PACRG: variants seen among roughly 807,000 people sequenced by gnomAD.
PACRG encodes the protein parkin coregulated gene protein.
Under a neutral mutation model 29.7 loss-of-function variants are expected in PACRG, and 29 were observed. The ratio of observed to expected loss-of-function variants is 0.98; its 90% CI spans 0.73 to 1.33. The LOEUF is 1.33. Ranked by LOEUF, PACRG falls within the 40% of genes most tolerant of loss-of-function variation. The pLI, the probability that PACRG is intolerant of heterozygous loss-of-function variation, is 0.00. For missense variants in PACRG, 279 were observed against 316.2 expected (o/e 0.88, Z 0.89); for synonymous variants, 116 against 118.7 (o/e 0.98, Z 0.15).
At chr6:163,292,005 T>A (rs1447090451) in intron 4 of PACRG, among the ~76,000 whole-genome samples, 1 of 152,134 alleles carries the variant, frequency 6.6e-6, no homozygotes, top group Non-Finnish European at 1.5e-5. Flanking sequence ...CTGAAGGTTT[T>A]CCCCAGTGGA....
intron 2 of PACRG, among the ~76,000 whole-genome samples, chr6:162,933,905 CAA>C (rs1258243058): frequency 6.6e-6 from 1 of 152,016 alleles, no homozygotes; most frequent in Non-Finnish European, 1.5e-5. Context: ...AGAGGGGAAA[CAA>C]GAGAGAGGGA....
intron 2 of PACRG, among the ~76,000 whole-genome samples, chr6:163,020,771 T>C (rs1194816930): frequency 6.6e-6 from 1 of 152,190 alleles, no homozygotes; most frequent in African/African-American, 2.4e-5. Context: ...CTTTGCAGTC[T>C]GAGCTTAGTG....
intron 4 of PACRG, among the ~76,000 whole-genome samples, chr6:163,233,125 G>A (rs1239525079): frequency 6.6e-6 from 1 of 152,248 alleles, no homozygotes; most frequent in Non-Finnish European, 1.5e-5. Flanking sequence ...TGTCCCCCAA[G>A]AAGTATTCTT....
intron 4 of PACRG, among the ~76,000 whole-genome samples, chr6:163,275,982 A>G (rs1477994779): frequency 7.2e-6 from 1 of 139,012 alleles, no homozygotes; most frequent in Non-Finnish European, 1.5e-5. Flanking sequence ...TTTTTTTATT[A>G]TTCTCTTTCC....
At chr6:163,139,212 C>T (rs986425468) in intron 4 of PACRG, among the ~76,000 whole-genome samples, 10 of 152,246 alleles carry the variant, frequency 6.6e-5, no homozygotes, top group African/African-American at 1.2e-4. Flanking sequence ...CCACACCACG[C>T]AAGTCCCTGC....
chr6:163,139,308 T>G (rs1192385932), intron 4 of PACRG, among the ~76,000 whole-genome samples: 1 of 152,134 alleles, frequency 6.6e-6, no homozygotes, highest in Non-Finnish European at 1.5e-5. Flanking sequence ...TGTGATTGAA[T>G]GTAAGGCCCA....
intron 1 of PACRG, among the ~76,000 whole-genome samples, chr6:162,751,849 C>T (rs6903832): frequency 0.22 from 33,193 of 152,022 alleles, 4,340 homozygotes; most frequent in African/African-American, 0.33. Context: ...CATTTTCACA[C>T]TCCAACCCCA....
intron 4 of PACRG, among the ~76,000 whole-genome samples, chr6:163,288,817 T>A (rs1331788292): frequency 6.6e-6 from 1 of 152,102 alleles, no homozygotes. Context: ...ATAACTACAA[T>A]TTAGGGGGTA....
intron 4 of PACRG, among the ~76,000 whole-genome samples, chr6:163,269,077 T>C (rs866951803): frequency 6.6e-6 from 1 of 152,202 alleles, no homozygotes; most frequent in African/African-American, 2.4e-5. Flanking sequence ...CAACAAGAAC[T>C]GGGTAACTCC....
At chr6:162,958,870 TA>T (rs1250547310) in intron 2 of PACRG, among the ~76,000 whole-genome samples, 9 of 69,468 alleles carry the variant, frequency 1.3e-4, no homozygotes, top group Non-Finnish European at 2.1e-4. Context: ...TATATATATA[TA>T]TATATATATA....
intron 4 of PACRG, among the ~76,000 whole-genome samples, chr6:163,303,099 G>A (rs1261496206): frequency 6.6e-6 from 1 of 152,196 alleles, no homozygotes; most frequent in South Asian, 2.1e-4. Flanking sequence ...GGGAGACCGA[G>A]GTGGGTGGAT....
intron 2 of PACRG, chr6:163,046,769 C>T (rs754269675): frequency 2.6e-5 from 4 of 152,184 alleles, no homozygotes; most frequent in Non-Finnish European, 5.9e-5. Context: ...CCCCATCTCT[C>T]CCTAACATTT....
At chr6:162,858,112 A>C (rs757082600) in intron 2 of PACRG, among the ~76,000 whole-genome samples, 1 of 152,206 alleles carries the variant, frequency 6.6e-6, no homozygotes. Context: ...ATGTCTAACT[A>C]TATGTATTAG....
At chr6:162,967,655 T>C (rs7743607) in intron 2 of PACRG, among the ~76,000 whole-genome samples, 104,526 of 151,314 alleles carry the variant, frequency 0.69, 36,361 homozygotes, top group East Asian at 0.79. Context: ...TACAGGCGCC[T>C]GCCACCACGC....
chr6:163,105,694 A>G (rs1258896026), intron 4 of PACRG, among the ~76,000 whole-genome samples: 1 of 152,144 alleles, frequency 6.6e-6, no homozygotes, highest in Non-Finnish European at 1.5e-5. Flanking sequence ...GAAGATAAAC[A>G]TGTTTTTAGA....
At chr6:163,004,411 TAC>T (rs1804851558) in intron 2 of PACRG, among the ~76,000 whole-genome samples, 1 of 151,866 alleles carries the variant, frequency 6.6e-6, no homozygotes, top group African/African-American at 2.4e-5. Context: ...TCAGGAATCT[TAC>T]AATCATGGTG....
At chr6:163,124,449 A>G (rs758604546) in intron 4 of PACRG, among the ~76,000 whole-genome samples, 22 of 152,216 alleles carry the variant, frequency 1.4e-4, no homozygotes, top group Non-Finnish European at 2.8e-4. Flanking sequence ...TTGAATTTCT[A>G]AATTCTGGAG....
At chr6:163,258,166 A>G (rs1051367045) in intron 4 of PACRG, among the ~76,000 whole-genome samples, 1 of 152,142 alleles carries the variant, frequency 6.6e-6, no homozygotes. Context: ...CTTATTTTCC[A>G]CAACTTTTTA....
intron 2 of PACRG, among the ~76,000 whole-genome samples, chr6:162,955,877 T>C (rs985707415): frequency 3.9e-5 from 6 of 152,136 alleles, no homozygotes; most frequent in African/African-American, 7.2e-5. Context: ...TTGGACTTCT[T>C]TCTCCGGGGC....
Sources: gnomAD v4.1 joint callset for allele counts (sites outside exome capture counted in the v4.1 genomes callset) on GRCh38, gnomAD v4.1.1 for gene constraint, MANE v1.5 for transcripts, NCBI Gene and HGNC (gene_info 2026-07-23, HGNC 2026-07-21) for gene names.